Variants in CFAP44 observed in about 807,000 individuals in gnomAD.
CFAP44 encodes the protein cilia and flagella associated protein 44.
A neutral mutation model predicts 216.2 loss-of-function variants in CFAP44; 134 were observed. The ratio of observed to expected loss-of-function variants is 0.62; its 90% confidence interval spans 0.54 to 0.72. CFAP44 has a LOEUF of 0.72. Among genes scored for constraint, CFAP44 ranks in the 30% least tolerant of loss-of-function variants. The pLI is 0.00. For synonymous variants in CFAP44, 700 were observed against 727.6 expected (o/e 0.96, Z 0.61); for missense variants, 2,035 against 2,182.1 (o/e 0.93, Z 1.34).
In CFAP44 at chr3:113,286,948, T is replaced by G; in HGVS notation, c.*4609A>C. ...AAAAAGAGACAGAGAAAATTGGTAT[T>G]TATTTTTCTATTATAGCCATATTTA... is the stretch of plus-strand genomic sequence containing the variant. On this transcript the variant is annotated 3_prime_UTR_variant, in exon 35 of 35. Coordinates refer to ENST00000393845, the MANE Select transcript of CFAP44 (RefSeq NM_001164496.2). 3 of 1,284,860 alleles carry G rather than the reference T, an allele frequency of 2.3e-6. No homozygotes were observed. Among genetic ancestry groups the G allele is most frequent in the Non-Finnish European group, 2.1e-6 (2 of 937,646 alleles). 79.6% of individuals were successfully genotyped at this position (1,284,860 alleles called of 1,614,324 possible). A position where few individuals can be genotyped will look rare whatever the true frequency, so the allele number is the denominator to read the frequency against.
At chr3:113,427,562 T>C (rs1037992707) in intron 2 of CFAP44, 1 of 436,106 alleles carries the variant, frequency 2.3e-6, no homozygotes, top group Non-Finnish European at 4.0e-6. Context: ...TTCAGTCTAT[T>C]TCCTATCATT....
rs61732431 is a variant in CFAP44 at position 113,333,467 on chromosome 3, G to A, written c.3554C>T (p.Pro1185Leu). The A allele has an allele frequency of 8.5e-6, 13 of 1,536,904 alleles. No individual in the cohort carries two copies. Among genetic ancestry groups the A allele is most frequent in the Middle Eastern group, 1.7e-4 (1 of 6,006 alleles). ...NLKTAPDYKI[P>L]EHMRINAAKK... ...GGCAGCATTTATTCTCATGTGCTCA[G>A]GTATCTTGTAGTCTGGGGCTGTCTT... The change falls in exon 25 of 35, where the codon CCT (proline) becomes CTT (leucine). Residue 1185 changes from proline (P) to leucine (L), a missense_variant. Physicochemically the swap from Pro to Leu is moderately conservative, Grantham distance 98 (BLOSUM62 -3). This residue lies in a region of CFAP44 where 1,883 missense variants were observed against 2,023.7 expected (regional missense o/e 0.93). Transcript: ENST00000393845.
chr3:113,436,776 G>T (rs1164415299), intron 1 of CFAP44, among the ~76,000 whole-genome samples: 1 of 152,164 alleles, frequency 6.6e-6, no homozygotes, highest in East Asian at 1.9e-4. Flanking sequence ...ATAACTAAAT[G>T]AAAATTTTTC....
chr3:113,359,248 C>T (rs896249451), intron 21 of CFAP44, among the ~76,000 whole-genome samples: 1 of 152,190 alleles, frequency 6.6e-6, no homozygotes, highest in African/African-American at 2.4e-5. Flanking sequence ...AACATCCCCC[C>T]TGGTGTGACC....
At chr3:113,441,333 G>A in intron 1 of CFAP44, 120 bp downstream of exon 1, 1 of 959,640 alleles carries the variant, frequency 1.0e-6, no homozygotes, top group Non-Finnish European at 1.2e-6. Flanking sequence ...ACCGCAGGGA[G>A]GACGAAGGCT....
Position 113,373,563 on chromosome 3 carries a change from A to G in CFAP44, c.2299-7T>C. The stretch of plus-strand genomic sequence containing the variant: ...AACCAGAATCATAGCCACCCTAGAA[A>G]AGAGATAAGTAACATAGAAGGTGGT... On this transcript the variant is annotated splice_polypyrimidine_tract_variant and splice_region_variant and intron_variant, in intron 17 of 34. Transcript: ENST00000393845. 1 of 1,574,872 alleles carries G rather than the reference A, an allele frequency of 6.3e-7. No homozygotes were observed. The highest frequency in any genetic ancestry group is 8.6e-7 in the Non-Finnish European group (1 of 1,160,086).
At position 113,363,460 on chromosome 3, in the gene CFAP44, A is replaced by G. The variant is rs753471669; in HGVS notation, c.2771+17T>C. 2 of 1,605,410 alleles carry G rather than the reference A, an allele frequency of 1.2e-6. No homozygotes were observed. The highest frequency in any genetic ancestry group is 1.7e-5 in the Admixed American group (1 of 58,740). On this transcript the variant is annotated intron_variant, in intron 20 of 34. Coordinates refer to ENST00000393845, the MANE Select transcript of CFAP44 (RefSeq NM_001164496.2). ...AAAATCTCAGGCCTAGTCAGTATTT[A>G]TCAAAAATTCCCATACCTGTAGGCT... is the stretch of plus-strand genomic sequence containing the variant.
intron 11 of CFAP44, 70 bp downstream of exon 11, chr3:113,401,170 A>T: frequency 7.2e-7 from 1 of 1,384,782 alleles, no homozygotes; most frequent in Non-Finnish European, 9.9e-7. Flanking sequence ...GATAAAGAAT[A>T]CTTTAAAGAC....
rs142311264 is a variant in CFAP44 at position 113,347,631 on chromosome 3, C to G, written c.3066-2919G>C. Among the ~76,000 whole-genome samples, 11 of 152,166 alleles carry G rather than the reference C, an allele frequency of 7.2e-5. 1 individual carries two copies. The East Asian group carries it at 2.1e-3, about 29-fold the overall frequency. On this transcript the variant is annotated intron_variant, in intron 22 of 34. Coordinates refer to ENST00000393845, the MANE Select transcript of CFAP44 (RefSeq NM_001164496.2). ...CCAAAGCCCCATTGGGTGGGGAGACCAACTATCCTTTTAGGATCCTTCCTC... is the reference window on the plus strand; with the variant it reads ...CCAAAGCCCCATTGGGTGGGGAGACGAACTATCCTTTTAGGATCCTTCCTC...
chr3:113,390,926 A>G (rs753289982), intron 15 of CFAP44, among the ~76,000 whole-genome samples: 11 of 152,134 alleles, frequency 7.2e-5, no homozygotes, highest in Admixed American at 3.9e-4. Flanking sequence ...ATCTAAAGCA[A>G]TCTACAAATT....
chr3:113,434,648 T>C (rs1935192829), intron 1 of CFAP44: 1 of 152,200 alleles, frequency 6.6e-6, no homozygotes, highest in Non-Finnish European at 1.5e-5. Context: ...TCAACATTCT[T>C]CTACGATATG....
At chr3:113,331,560 TG>T (rs552800266) in intron 25 of CFAP44, among the ~76,000 whole-genome samples, 71 of 152,066 alleles carry the variant, frequency 4.7e-4, no homozygotes, top group Admixed American at 1.0e-3. Flanking sequence ...GGAAATGTTC[TG>T]CAACTTGAAA....
In CFAP44 at chr3:113,344,603, G is replaced by A. The variant is rs1262272674; in HGVS notation, c.3175C>T (p.Arg1059Ter). Residue 1059 changes from arginine to a stop codon, truncating the protein, a stop_gained, in exon 23 of 35, where the codon CGA (arginine) becomes TGA (stop). Coordinates refer to ENST00000393845, the MANE Select transcript of CFAP44 (RefSeq NM_001164496.2). LOFTEE classifies it high-confidence loss of function. ...GGTTTTCTCTCTGATTGACTAGCTC[G>A]TTTGAATTTGGAGTACTTAGAGGGC... Reference protein sequence around the residue: ...VQPSKYSKFKRASQSERKPSK... With the variant: ...VQPSKYSKFK 11 of 1,536,952 alleles carry A rather than the reference G, an allele frequency of 7.2e-6. No individual in the cohort carries two copies. The highest frequency in any genetic ancestry group is 1.2e-5 in the South Asian group (1 of 84,022).
At chr3:113,423,685 C>T (rs1934882607) in intron 4 of CFAP44, among the ~76,000 whole-genome samples, 1 of 152,196 alleles carries the variant, frequency 6.6e-6, no homozygotes, top group Non-Finnish European at 1.5e-5. Context: ...TAAAATTATA[C>T]CATGGTTTAA....
At position 113,440,059 on chromosome 3, in the gene CFAP44, T is replaced by C. The variant is rs180896906; in HGVS notation, c.-6+1394A>G. Reference sequence around the variant, plus strand: ...CCCTATGAGGTAGGTACCATTATTATTTTATTTATGTATTTATGTATTGAG... The same window carrying C: ...CCCTATGAGGTAGGTACCATTATTACTTTATTTATGTATTTATGTATTGAG... On this transcript the variant is annotated intron_variant, in intron 1 of 34. Transcript: ENST00000393845. Among the ~76,000 whole-genome samples the C allele has an allele frequency of 2.4e-3, 369 of 152,256 alleles. 2 individuals are homozygous for C. The highest frequency in any genetic ancestry group is 4.6e-3 in the Non-Finnish European group (314 of 68,010).
In CFAP44 at chr3:113,417,415, T is replaced by G. The variant is rs979243864; in HGVS notation, c.571-788A>C. The stretch of plus-strand genomic sequence containing the variant: ...GGATAAAATAGTATGGTCATTTCTG[T>G]TATTTTTGTCTATTGGTAAGCCAAA... On this transcript the variant is annotated intron_variant, in intron 5 of 34. Coordinates refer to ENST00000393845, the MANE Select transcript of CFAP44 (RefSeq NM_001164496.2). The G allele has an allele frequency of 1.1e-4, 16 of 152,246 alleles. No individual in the cohort carries two copies. In the South Asian group the frequency reaches 1.7e-3, roughly 16 times the overall value. 9.4% of individuals were successfully genotyped at this position (152,246 alleles called of 1,614,324 possible).
At position 113,302,457 on chromosome 3, in the gene CFAP44, T is replaced by TAAAAAAAAAAAAAAAAAAAAAAAAA. The variant is rs60866565; in HGVS notation, c.5077+1458_5077+1459insTTTTTTTTTTTTTTTTTTTTTTTTT. ...GTATCCAAAGATACACTAGACAAAG[T>TAAAAAAAAAAAAAAAAAAAAAAAAA]AAAAAAAAAAAAAAAAAAAAAAAGA... On this transcript the variant is annotated intron_variant, in intron 32 of 34. Transcript: ENST00000393845. Among the ~76,000 whole-genome samples, 25 of 75,788 alleles carry TAAAAAAAAAAAAAAAAAAAAAAAAA rather than the reference T, an allele frequency of 3.3e-4. 1 individual carries two copies. The highest frequency in any genetic ancestry group is 8.3e-3 in the Middle Eastern group (1 of 120). 49.7% of individuals were successfully genotyped at this position (75,788 alleles called of 152,430 possible). A position where few individuals can be genotyped will look rare whatever the true frequency, so the allele number is the denominator to read the frequency against.
At chr3:113,363,347 A>G in intron 20 of CFAP44, 40 bp from the exon 21 acceptor site, 1 of 1,580,670 alleles carries the variant, frequency 6.3e-7, no homozygotes, top group African/African-American at 1.4e-5. Context: ...GTTGTGATAC[A>G]GAAACAGCAG....
intron 2 of CFAP44, among the ~76,000 whole-genome samples, chr3:113,432,545 A>T (rs1049130216): frequency 7.2e-5 from 11 of 152,176 alleles, no homozygotes; most frequent in Non-Finnish European, 1.5e-4. Flanking sequence ...CCATATATCT[A>T]AACAATATGG....
Sources: gnomAD v4.1 joint callset for allele counts (sites outside exome capture counted in the v4.1 genomes callset) on GRCh38, gnomAD v4.1.1 for gene constraint, gnomAD v4.1.1 regional missense constraint, MANE v1.5 for transcripts, NCBI Gene and HGNC (gene_info 2026-07-23, HGNC 2026-07-21) for gene names.